The following DMD variants were observed in gnomAD, a reference collection of about 807,000 sequenced individuals.
DMD encodes the protein dystrophin.
Under a neutral mutation model 330.1 loss-of-function variants are expected in DMD, and 63 were observed. That is an observed-to-expected ratio of 0.19 (90% CI 0.16 to 0.24). DMD has a LOEUF of 0.24. Ranked by LOEUF, DMD falls within the 10% of genes least tolerant of loss-of-function variation. DMD has a pLI of 1.00. For synonymous variants in DMD, 1,223 were observed against 959.8 expected, an observed-to-expected ratio of 1.27 and a Z score of -5.07; for missense variants, 3,344 against 2,684.1, an observed-to-expected ratio of 1.25 and a Z score of -5.43.
At chrX:31,194,087 G>A (rs1447361375) in intron 67 of DMD, among the ~76,000 whole-genome samples, 1 of 111,014 alleles carries the variant, frequency 9.0e-6, no homozygotes, top group Non-Finnish European at 1.9e-5. Context: ...AGGCTGAGGT[G>A]GAGAGTCACA....
chrX:32,810,322 T>G (rs2148759970), intron 6 of DMD, among the ~76,000 whole-genome samples: 1 of 111,687 alleles, frequency 9.0e-6, no homozygotes, highest in African/African-American at 3.3e-5. Flanking sequence ...ATGCCCAGTT[T>G]TATATGTCTA....
intron 4 of DMD, among the ~76,000 whole-genome samples, chrX:32,831,466 A>T (rs1265690055): frequency 9.0e-6 from 1 of 111,121 alleles, no homozygotes; most frequent in African/African-American, 3.3e-5. Context: ...GAAGAATAGC[A>T]GACTAGGGTT....
chrX:31,864,503 TTTTTTTA>T (rs1271827193), intron 48 of DMD, among the ~76,000 whole-genome samples: 2 of 93,779 alleles, frequency 2.1e-5, no homozygotes, highest in Admixed American at 1.3e-4. Flanking sequence ...TTTTTTTTTT[TTTTTTTA>T]AAGAAGTCTT....
chrX:32,146,097 ACTGTTTAGGACATCTCTTC>A (rs2096776874), intron 44 of DMD, among the ~76,000 whole-genome samples: 2 of 112,140 alleles, frequency 1.8e-5, no homozygotes, highest in South Asian at 3.7e-4. Flanking sequence ...ATGTATCCCT[ACTGTTTAGGACATCTCTTC>A]CTGTTTAGGA....
intron 27 of DMD, among the ~76,000 whole-genome samples, chrX:32,444,651 G>A (rs1477131693): frequency 1.8e-5 from 2 of 110,936 alleles, no homozygotes; most frequent in African/African-American, 6.5e-5. Context: ...AAAGGGCTTG[G>A]TTGCCTACAT....
At chrX:33,115,699 T>C (rs759737245) in intron 1 of DMD, among the ~76,000 whole-genome samples, 1 of 107,871 alleles carries the variant, frequency 9.3e-6, no homozygotes, top group Non-Finnish European at 1.9e-5. Context: ...TTTTAGTAGA[T>C]ACGGGGTTTG....
intron 1 of DMD, among the ~76,000 whole-genome samples, chrX:33,114,979 T>C (rs1413603583): frequency 1.8e-5 from 2 of 112,398 alleles, no homozygotes; most frequent in East Asian, 5.6e-4. Flanking sequence ...AAATTGTTAA[T>C]GTTTATAACA....
chrX:32,493,451 T>C (rs1028054411), intron 19 of DMD, among the ~76,000 whole-genome samples: 3 of 112,118 alleles, frequency 2.7e-5, no homozygotes, highest in Non-Finnish European at 5.6e-5. Context: ...TATCTAAGTA[T>C]AAAAGAAGTC....
chrX:32,304,402 A>G (rs1402408518), intron 42 of DMD, among the ~76,000 whole-genome samples: 1 of 111,120 alleles, frequency 9.0e-6, no homozygotes, highest in Non-Finnish European at 1.9e-5. Context: ...TAGTCAAGGT[A>G]GGACAACTGC....
chrX:31,143,604 T>C (rs1263631408), intron 76 of DMD, among the ~76,000 whole-genome samples: 2 of 112,341 alleles, frequency 1.8e-5, no homozygotes, highest in Non-Finnish European at 3.8e-5. Context: ...GCAAGTTATC[T>C]CTTAGCTTAG....
chrX:31,171,345 C>T (rs2039976211), intron 73 of DMD, among the ~76,000 whole-genome samples: 1 of 111,615 alleles, frequency 9.0e-6, no homozygotes, highest in Non-Finnish European at 1.9e-5. Flanking sequence ...CACTTTGATA[C>T]TATTTCTTTT....
At chrX:31,650,110 CTTT>C (rs113030035) in intron 54 of DMD, among the ~76,000 whole-genome samples, 13 of 85,801 alleles carry the variant, frequency 1.5e-4, no homozygotes, top group African/African-American at 5.7e-4. Flanking sequence ...ACAAACTTGG[CTTT>C]TTTTTTTTTT....
rs752895064 is a variant in DMD at position 32,558,096 on chromosome X, ATAAT to A, written c.1992+7602_1992+7605del. Among the ~76,000 whole-genome samples the A allele has an allele frequency of 1.6e-3, 181 of 111,269 alleles. 1 individual carries two copies. The highest frequency in any genetic ancestry group is 2.3e-3 in the Non-Finnish European group (121 of 52,996). ...GTTTCTTCGAAATAAATATTATATGATAATTAAGAAGGTTTATTCTGTAAAACTG... is the reference window on the plus strand; with the variant it reads ...GTTTCTTCGAAATAAATATTATATGATAAGAAGGTTTATTCTGTAAAACTG... On this transcript the variant is annotated intron_variant, in intron 16 of 78. Coordinates refer to ENST00000357033, the MANE Select transcript of DMD (RefSeq NM_004006.3).
intron 64 of DMD, among the ~76,000 whole-genome samples, chrX:31,209,993 G>A (rs1472251873): frequency 4.5e-5 from 5 of 110,910 alleles, no homozygotes; most frequent in African/African-American, 6.6e-5. Flanking sequence ...AGAGTTAAGG[G>A]GACCTAGCCT....
chrX:33,046,431 C>T (rs192223914), intron 1 of DMD, among the ~76,000 whole-genome samples: 17 of 111,297 alleles, frequency 1.5e-4, no homozygotes, highest in Admixed American at 1.4e-3. Context: ...AAATGTGCTC[C>T]CCAAAATAAT....
At chrX:32,090,134 A>G (rs2096465427) in intron 44 of DMD, among the ~76,000 whole-genome samples, 1 of 112,034 alleles carries the variant, frequency 8.9e-6, no homozygotes, top group African/African-American at 3.2e-5. Context: ...AACCATGAGT[A>G]ACATAAAGTT....
chrX:31,134,356 G>A (rs2034907671), intron 76 of DMD, among the ~76,000 whole-genome samples, 162 bp from the exon 77 acceptor site: 1 of 110,151 alleles, frequency 9.1e-6, no homozygotes, highest in Non-Finnish European at 1.9e-5. Context: ...TTCTTTAAAG[G>A]GAAGAAGAAA....
chrX:32,435,473 A>G (rs1164001783), intron 29 of DMD, among the ~76,000 whole-genome samples: 5 of 108,765 alleles, frequency 4.6e-5, no homozygotes, highest in African/African-American at 1.7e-4. Context: ...TGCTCACAAA[A>G]AAAACCCCCT....
At chrX:32,697,689 C>A (rs2063758281) in intron 9 of DMD, among the ~76,000 whole-genome samples, 181 bp downstream of exon 9, 1 of 111,679 alleles carries the variant, frequency 9.0e-6, no homozygotes, top group Non-Finnish European at 1.9e-5. Context: ...GTATAGTAAA[C>A]CTAGAGAAGA....
Sources: gnomAD v4.1 joint callset for allele counts (sites outside exome capture counted in the v4.1 genomes callset) on GRCh38, gnomAD v4.1.1 for gene constraint, MANE v1.5 for transcripts, NCBI Gene and HGNC (gene_info 2026-07-23, HGNC 2026-07-21) for gene names.